POU6F2: variants seen among roughly 807,000 people sequenced by gnomAD.
POU6F2 encodes the protein POU class 6 homeobox 2, also known as POU domain, class 6, transcription factor 2.
In POU6F2, 31 loss-of-function variants were observed where a neutral mutation model predicts 71.3. The observed-to-expected ratio is 0.43, with a 90% CI of 0.33 to 0.59. The LOEUF (loss-of-function observed/expected upper bound fraction) is 0.59, where lower values mean the gene tolerates loss of function less well. POU6F2 is among the 20% of genes least tolerant of loss of function. The pLI is 0.04. For missense variants in POU6F2, 783 were observed against 856.8 expected (o/e 0.91, Z 1.07); for synonymous variants, 347 against 355.7 (o/e 0.98, Z 0.27).
At chr7:39,150,990 T>C (rs1291927265) in intron 2 of POU6F2, among the ~76,000 whole-genome samples, 2 of 152,056 alleles carry the variant, frequency 1.3e-5, no homozygotes, top group Admixed American at 1.3e-4. Flanking sequence ...GAAAAAAAAA[T>C]TCTTCTGATA....
chr7:38,999,891 G>A (rs549991876), intron 1 of POU6F2, among the ~76,000 whole-genome samples: 2 of 152,252 alleles, frequency 1.3e-5, no homozygotes, highest in Admixed American at 6.5e-5. Context: ...TCCTAGGCAC[G>A]ATGGCACAGA....
chr7:39,422,804 C>T (rs1213237767), intron 6 of POU6F2, among the ~76,000 whole-genome samples: 1 of 152,102 alleles, frequency 6.6e-6, no homozygotes, highest in African/African-American at 2.4e-5. Flanking sequence ...TAACTCAGTC[C>T]GGATTGTTAC....
intron 1 of POU6F2, among the ~76,000 whole-genome samples, chr7:39,060,289 C>T (rs929908276): frequency 2.6e-5 from 4 of 151,602 alleles, no homozygotes; most frequent in Admixed American, 2.0e-4. Context: ...ATAGGTAAAG[C>T]TGTAGAGACA....
At chr7:39,341,109 A>G (rs919027467) in intron 5 of POU6F2, among the ~76,000 whole-genome samples, 4 of 152,158 alleles carry the variant, frequency 2.6e-5, no homozygotes, top group Non-Finnish European at 5.9e-5. Flanking sequence ...CTTGGCTCCT[A>G]AATAGAAAAG....
At chr7:39,215,797 T>C (rs1794229562) in intron 4 of POU6F2, among the ~76,000 whole-genome samples, 1 of 152,208 alleles carries the variant, frequency 6.6e-6, no homozygotes, top group Admixed American at 6.5e-5. Context: ...AGCTGTCCAA[T>C]ATCTGAAGAA....
chr7:39,248,170 A>G (rs138743662), intron 4 of POU6F2, among the ~76,000 whole-genome samples: 438 of 152,274 alleles, frequency 2.9e-3, no homozygotes, highest in Non-Finnish European at 5.2e-3. Context: ...ACTTGTTAAG[A>G]GATATTGTTG....
intron 8 of POU6F2, among the ~76,000 whole-genome samples, chr7:39,453,903 T>C (rs1163706860): frequency 6.6e-6 from 1 of 152,190 alleles, no homozygotes; most frequent in African/African-American, 2.4e-5. Flanking sequence ...GCTCCACAGT[T>C]GTCTCTGCAG....
chr7:39,415,780 T>C (rs1056813196), intron 6 of POU6F2, among the ~76,000 whole-genome samples: 4 of 152,198 alleles, frequency 2.6e-5, no homozygotes, highest in African/African-American at 9.7e-5. Context: ...GGGGCTGGTA[T>C]AATCTATAAT....
chr7:39,394,822 C>T (rs1356377318), intron 5 of POU6F2, among the ~76,000 whole-genome samples: 3 of 152,144 alleles, frequency 2.0e-5, no homozygotes, highest in Non-Finnish European at 2.9e-5. Flanking sequence ...AGTATGTCCA[C>T]GGCTCACTTA....
chr7:39,206,681 A>G (rs1177250359), intron 3 of POU6F2, among the ~76,000 whole-genome samples: 1 of 152,178 alleles, frequency 6.6e-6, no homozygotes, highest in Non-Finnish European at 1.5e-5. Flanking sequence ...TGACTATGCA[A>G]TATTTCATCT....
At chr7:39,418,829 C>T (rs191139874) in intron 6 of POU6F2, among the ~76,000 whole-genome samples, 33 of 150,766 alleles carry the variant, frequency 2.2e-4, no homozygotes, top group African/African-American at 7.3e-4. Flanking sequence ...TTCAGCATAA[C>T]GTGTGTAAGT....
intron 5 of POU6F2, among the ~76,000 whole-genome samples, chr7:39,354,519 T>A (rs1786213096): frequency 6.6e-6 from 1 of 152,222 alleles, no homozygotes; most frequent in South Asian, 2.1e-4. Context: ...ATGGTCCTGG[T>A]GTTCTAATGT....
At chr7:39,338,451 TG>T (rs1245191434) in intron 4 of POU6F2, among the ~76,000 whole-genome samples, 1 of 152,142 alleles carries the variant, frequency 6.6e-6, no homozygotes, top group Non-Finnish European at 1.5e-5. Flanking sequence ...GGCCACACAC[TG>T]GACTGCTTGC....
At chr7:39,190,088 G>GT (rs539362125) in intron 2 of POU6F2, among the ~76,000 whole-genome samples, 23 of 151,908 alleles carry the variant, frequency 1.5e-4, no homozygotes, top group Non-Finnish European at 2.8e-4. Context: ...TAGAGATGGG[G>GT]TTTTGCCATG....
chr7:39,345,481 G>A (rs1323059096), intron 5 of POU6F2, among the ~76,000 whole-genome samples: 1 of 152,206 alleles, frequency 6.6e-6, no homozygotes, highest in Non-Finnish European at 1.5e-5. Context: ...TTGGGGCAAG[G>A]AAGGGGCTAG....
In POU6F2 at chr7:39,362,334, T is replaced by C. The variant is rs114211032; in HGVS notation, c.972+22319T>C. Among the ~76,000 whole-genome samples the C allele has an allele frequency of 4.9e-3, 726 of 148,104 alleles. 5 individuals carry two copies. Among genetic ancestry groups the C allele is most frequent in the African/African-American group, 0.017 (676 of 40,256 alleles). The stretch of plus-strand genomic sequence containing the variant: ...AAATGCAATTTTTTATTCTAGCACA[T>C]ATAAGGAGAATTGAGTAGCCCAAAA... On this transcript the variant is annotated intron_variant, in intron 5 of 9. Transcript: ENST00000518318.
chr7:39,055,243 A>G (rs1420105542), intron 1 of POU6F2, among the ~76,000 whole-genome samples: 4 of 152,158 alleles, frequency 2.6e-5, no homozygotes. Flanking sequence ...ATAAAGTAAT[A>G]AAAGAGCTAA....
intron 2 of POU6F2, among the ~76,000 whole-genome samples, chr7:39,157,431 G>A (rs924485109): frequency 2.6e-5 from 4 of 151,730 alleles, no homozygotes; most frequent in South Asian, 2.1e-4. Context: ...ATTTATTATC[G>A]ATTTTTTAAA....
intron 5 of POU6F2, among the ~76,000 whole-genome samples, chr7:39,362,921 C>G (rs1403828374): frequency 1.3e-5 from 2 of 152,018 alleles, no homozygotes; most frequent in Non-Finnish European, 2.9e-5. Flanking sequence ...CCAGCAAGAC[C>G]GGTACAAAGT....
Sources: gnomAD v4.1 joint callset for allele counts (sites outside exome capture counted in the v4.1 genomes callset) on GRCh38, gnomAD v4.1.1 for gene constraint, MANE v1.5 for transcripts, NCBI Gene and HGNC (gene_info 2026-07-23, HGNC 2026-07-21) for gene names.